The following CSMD1 variants were observed in gnomAD, a reference collection of about 807,000 sequenced individuals.
The protein encoded by CSMD1 is CUB and sushi domain-containing protein 1.
CSMD1 carries 213 observed loss-of-function variants against 417.5 expected under a neutral mutation model. That is an observed-to-expected ratio of 0.51 (90% CI 0.46 to 0.57). CSMD1 has a LOEUF of 0.57. Among genes scored for constraint, CSMD1 ranks in the 20% least tolerant of loss-of-function variants. CSMD1 has a pLI of 0.00. For missense variants in CSMD1, 6,923 were observed against 4,529.7 expected (o/e 1.53, Z -15.17); for synonymous variants, 2,862 against 1,736.8 (o/e 1.65, Z -16.11).
chr8:4,523,776 G>C (rs1271707484), intron 2 of CSMD1, among the ~76,000 whole-genome samples: 1 of 152,128 alleles, frequency 6.6e-6, no homozygotes, highest in Non-Finnish European at 1.5e-5. Flanking sequence ...TAACATAATT[G>C]TATGCAGAGC....
At chr8:4,456,378 C>G (rs1799485726) in intron 2 of CSMD1, among the ~76,000 whole-genome samples, 1 of 152,116 alleles carries the variant, frequency 6.6e-6, no homozygotes, top group African/African-American at 2.4e-5. Context: ...TGTCACTAAT[C>G]AAATAGCTAG....
chr8:3,666,675 G>A (rs1457926991), intron 7 of CSMD1, among the ~76,000 whole-genome samples: 1 of 152,142 alleles, frequency 6.6e-6, no homozygotes, highest in Non-Finnish European at 1.5e-5. Context: ...TGTTCTCATG[G>A]TAGTGAATAA....
Position 3,562,403 on chromosome 8 carries a change from C to CACACATGCACAA in CSMD1, c.1344+12541_1344+12542insTTGTGCATGTGT, listed in dbSNP as rs1563156243. ...ACACACACACGTACACACATGCATA[C>CACACATGCACAA]ACACACATGCACAAACACACATGCA... On this transcript the variant is annotated intron_variant, in intron 10 of 69. Coordinates refer to ENST00000635120, the MANE Select transcript of CSMD1 (RefSeq NM_033225.6). 3.8e-4 allele frequency among the ~76,000 whole-genome samples: 55 copies of CACACATGCACAA among 142,970 alleles called. No homozygotes were observed. The East Asian group carries it at 9.1e-3, about 24-fold the overall frequency. The allele number at this position is 142,970 out of a possible 152,430, so 93.8% of individuals were successfully genotyped here.
Position 3,407,993 on chromosome 8 carries a change from C to T in CSMD1, c.1977G>A (p.Val659=), listed in dbSNP as rs1286587996. ...TVLGTFSGNE[V]PSQLASSGHI... ...GCCCACTGCTGGCCAGCTGGGAAGGCACTTCATTGCCAGAAAAAGTACCCA... is the reference window on the plus strand; with the variant it reads ...GCCCACTGCTGGCCAGCTGGGAAGGTACTTCATTGCCAGAAAAAGTACCCA... Residue 659 remains valine, a synonymous_variant, in exon 14 of 70, where the codon GTG becomes GTA. Transcript: ENST00000635120. The T allele has an allele frequency of 1.9e-6, 3 of 1,613,736 alleles. No individual in the cohort carries two copies. Among genetic ancestry groups the T allele is most frequent in the Non-Finnish European group, 2.5e-6 (3 of 1,179,862 alleles).
At chr8:4,859,498 C>T (rs542780740) in intron 1 of CSMD1, among the ~76,000 whole-genome samples, 2 of 152,206 alleles carry the variant, frequency 1.3e-5, no homozygotes, top group South Asian at 2.1e-4. Flanking sequence ...AGAAAATTCT[C>T]GCAACCTACT....
intron 1 of CSMD1, among the ~76,000 whole-genome samples, chr8:4,659,397 G>T (rs1180202006): frequency 6.6e-6 from 1 of 152,092 alleles, no homozygotes; most frequent in Non-Finnish European, 1.5e-5. Context: ...ATGCAGAACA[G>T]CAAAACAATA....
At chr8:4,748,642 T>C (rs1040721184) in intron 1 of CSMD1, among the ~76,000 whole-genome samples, 3 of 152,320 alleles carry the variant, frequency 2.0e-5, no homozygotes, top group Admixed American at 1.3e-4. Context: ...GACTGGAATG[T>C]CTCCAGAATT....
chr8:3,991,145 A>G (rs1268419935), intron 5 of CSMD1, among the ~76,000 whole-genome samples: 1 of 152,248 alleles, frequency 6.6e-6, no homozygotes, highest in Admixed American at 6.5e-5. Context: ...TTGGCCCCAC[A>G]GTAGACATTG....
At chr8:4,841,972 AT>A (rs5889065) in intron 1 of CSMD1, among the ~76,000 whole-genome samples, 88,438 of 143,610 alleles carry the variant, frequency 0.62, 27,977 homozygotes, top group East Asian at 0.95. Flanking sequence ...TCCTGAATGC[AT>A]TTTTGTCCTG....
chr8:4,124,038 C>G (rs1018457442), intron 3 of CSMD1, among the ~76,000 whole-genome samples: 5 of 151,712 alleles, frequency 3.3e-5, no homozygotes, highest in Admixed American at 6.6e-5. Context: ...TTCTACATTG[C>G]ATTCCGGAAC....
chr8:4,646,521 G>A (rs1401666704), intron 1 of CSMD1, among the ~76,000 whole-genome samples: 1 of 152,096 alleles, frequency 6.6e-6, no homozygotes, highest in Non-Finnish European at 1.5e-5. Context: ...GATGGATTCA[G>A]CATTACTCAC....
intron 2 of CSMD1, among the ~76,000 whole-genome samples, chr8:4,536,607 C>A (rs969210128): frequency 6.6e-6 from 1 of 152,172 alleles, no homozygotes; most frequent in Non-Finnish European, 1.5e-5. Context: ...AGTGGCTGCA[C>A]AAGTGGATAC....
Position 4,131,531 on chromosome 8 carries a change from C to T in CSMD1, c.416-99432G>A, listed in dbSNP as rs183198393. Among the ~76,000 whole-genome samples the T allele has an allele frequency of 5.3e-5, 8 of 152,184 alleles. No homozygotes were observed. In the South Asian group the frequency reaches 8.3e-4, roughly 16 times the overall value. ...CACTAAACATTATGTTTAATATCAA[C>T]GCATTTTGTCTTTAACTGTAGAAAA... On this transcript the variant is annotated intron_variant, in intron 3 of 69. Transcript: ENST00000635120.
intron 7 of CSMD1, among the ~76,000 whole-genome samples, chr8:3,660,357 T>C (rs923287819): frequency 6.6e-6 from 1 of 152,140 alleles, no homozygotes; most frequent in African/African-American, 2.4e-5. Flanking sequence ...GTATTAGCGA[T>C]CTTCCCAGGG....
intron 1 of CSMD1, among the ~76,000 whole-genome samples, chr8:4,819,086 C>T (rs970804650): frequency 2.6e-5 from 4 of 152,218 alleles, no homozygotes; most frequent in Non-Finnish European, 5.9e-5. Context: ...ACAGCACTTG[C>T]ATGTCACTTG....
chr8:4,221,761 G>C (rs1193180297), intron 3 of CSMD1, among the ~76,000 whole-genome samples: 1 of 152,124 alleles, frequency 6.6e-6, no homozygotes, highest in Non-Finnish European at 1.5e-5. Context: ...AGCCTACATT[G>C]AGATTAAAAG....
intron 2 of CSMD1, among the ~76,000 whole-genome samples, chr8:4,524,462 C>A (rs1796402529): frequency 6.6e-6 from 1 of 151,984 alleles, no homozygotes; most frequent in South Asian, 2.1e-4. Context: ...TGAAACAGGA[C>A]AGCTGAGTGA....
At chr8:3,497,648 A>T (rs1796422716) in intron 10 of CSMD1, among the ~76,000 whole-genome samples, 1 of 152,178 alleles carries the variant, frequency 6.6e-6, no homozygotes, top group Non-Finnish European at 1.5e-5. Context: ...GTTTGCATGG[A>T]CTATCTCTTG....
At chr8:4,419,249 G>C (rs1325240783) in intron 3 of CSMD1, among the ~76,000 whole-genome samples, 3 of 152,124 alleles carry the variant, frequency 2.0e-5, no homozygotes, top group Non-Finnish European at 2.9e-5. Context: ...ACGTGTAAAA[G>C]GCAATTTAAA....
Sources: allele counts gnomAD v4.1 joint callset (sites outside exome capture counted in the v4.1 genomes callset), GRCh38; gene constraint gnomAD v4.1.1; transcripts MANE v1.5; gene names NCBI Gene and HGNC (gene_info 2026-07-23, HGNC 2026-07-21).